CDK13: variants seen among roughly 807,000 people sequenced by gnomAD.
CDK13 encodes the protein cyclin-dependent kinase 13.
CDK13 carries 40 observed loss-of-function variants against 137.6 expected under a neutral mutation model. The ratio of observed to expected loss-of-function variants is 0.29; its 90% confidence interval spans 0.23 to 0.38. The LOEUF (loss-of-function observed/expected upper bound fraction) is 0.38, where lower values mean the gene tolerates loss of function less well. Among genes scored for constraint, CDK13 ranks in the 10% least tolerant of loss-of-function variants. The probability of loss-of-function intolerance (pLI) is 1.00; values close to 1 mark genes in which losing one functional copy is unlikely to be tolerated. For missense variants in CDK13, 1,704 were observed against 1,951.8 expected (o/e 0.87, Z 2.39); for synonymous variants, 869 against 760.1 (o/e 1.14, Z -2.36).
chr7:40,066,271 TTGTAA>T (rs1786277516), intron 9 of CDK13, among the ~76,000 whole-genome samples: 1 of 152,250 alleles, frequency 6.6e-6, no homozygotes, highest in African/African-American at 2.4e-5. Flanking sequence ...AAACCAGTAC[TTGTAA>T]TGTTCTTTAA....
At chr7:40,045,561 A>G (rs989739592) in intron 5 of CDK13, among the ~76,000 whole-genome samples, 35 of 151,434 alleles carry the variant, frequency 2.3e-4, no homozygotes, top group African/African-American at 7.5e-4. Flanking sequence ...CCTAGAAACT[A>G]TACAATATGG....
intron 1 of CDK13, among the ~76,000 whole-genome samples, chr7:39,961,906 A>G (rs1415303515): frequency 6.6e-6 from 1 of 151,946 alleles, no homozygotes; most frequent in Non-Finnish European, 1.5e-5. Context: ...TTGTCCTTGC[A>G]ATAGTTTGCT....
At chr7:39,962,737 G>T (rs535943741) in intron 1 of CDK13, among the ~76,000 whole-genome samples, 1 of 152,208 alleles carries the variant, frequency 6.6e-6, no homozygotes, top group South Asian at 2.1e-4. Context: ...TATTGCCTAG[G>T]TTTTCTTCTA....
chr7:40,094,521 T>C lies in CDK13; in HGVS notation c.4080T>C (p.Ala1360=), dbSNP rs777441703. ...ATGATGGTCTAGGAAGCAGTTCTGC[T>C]CCACCACTAGAACGACGTAGTTTCA... The part of the protein sequence containing the change: ...VSNDGLGSSS[A]PPLERRSFIG... Residue 1360 remains alanine, a synonymous_variant, in exon 14 of 14, where the codon GCT becomes GCC. Transcript: ENST00000181839. 1.2e-6 allele frequency: 2 copies of C among 1,612,840 alleles called. No homozygotes were observed. Among genetic ancestry groups the C allele is most frequent in the Non-Finnish European group, 8.5e-7 (1 of 1,179,612 alleles).
chr7:40,024,740 T>C lies in CDK13; in HGVS notation c.2354-21096T>C, dbSNP rs1036651751. Among the ~76,000 whole-genome samples, 3 of 138,134 alleles carry C rather than the reference T, an allele frequency of 2.2e-5. No individual in the cohort carries two copies. In the South Asian group the frequency reaches 7.5e-4, roughly 35 times the overall value. 90.6% of individuals were successfully genotyped at this position (138,134 alleles called of 152,430 possible). On this transcript the variant is annotated intron_variant, in intron 5 of 13. Coordinates refer to ENST00000181839, the MANE Select transcript of CDK13 (RefSeq NM_003718.5). ...GTGCAGTGGCATGATCTCTGCTCAC[T>C]GCAGCCTCCGCCTCCCGGGTTCGAG...
intron 1 of CDK13, among the ~76,000 whole-genome samples, chr7:39,966,434 T>A (rs1340733483): frequency 6.6e-6 from 1 of 152,240 alleles, no homozygotes; most frequent in African/African-American, 2.4e-5. Context: ...ATCACGTAGT[T>A]CTTGTGCCTT....
chr7:40,035,477 A>C (rs1383235370), intron 5 of CDK13, among the ~76,000 whole-genome samples: 1 of 152,134 alleles, frequency 6.6e-6, no homozygotes, highest in Admixed American at 6.5e-5. Context: ...TCCTGCTGTC[A>C]GATCAGTGAC....
intron 12 of CDK13, among the ~76,000 whole-genome samples, chr7:40,089,438 A>C (rs200346542): frequency 1.2e-4 from 1 of 8,262 alleles, no homozygotes; most frequent in African/African-American, 2.8e-4. Flanking sequence ...AGACTGTCTC[A>C]AAAAAAAAAA....
At chr7:40,075,497 T>C (rs1211377823) in intron 9 of CDK13, among the ~76,000 whole-genome samples, 2 of 152,052 alleles carry the variant, frequency 1.3e-5, no homozygotes, top group African/African-American at 4.8e-5. Flanking sequence ...TTTATTGAAA[T>C]AAAATTTTAG....
chr7:39,971,209 G>C (rs1181636030), intron 1 of CDK13, among the ~76,000 whole-genome samples: 1 of 152,118 alleles, frequency 6.6e-6, no homozygotes, highest in East Asian at 1.9e-4. Flanking sequence ...TAAATTGCCT[G>C]TCTTGTTTTA....
At chr7:39,981,355 T>C (rs13239106) in intron 1 of CDK13, among the ~76,000 whole-genome samples, 40,558 of 149,752 alleles carry the variant, frequency 0.27, 6,560 homozygotes, top group Middle Eastern at 0.45. Flanking sequence ...TGCGAAAAAG[T>C]GAGAGACCCT....
intron 7 of CDK13, among the ~76,000 whole-genome samples, chr7:40,058,165 C>G (rs1018364166): frequency 1.3e-5 from 2 of 152,066 alleles, no homozygotes; most frequent in African/African-American, 4.8e-5. Context: ...AAGAACATTC[C>G]AAGTACAAAG....
At chr7:40,017,590 C>G (rs950839331) in intron 5 of CDK13, among the ~76,000 whole-genome samples, 4 of 151,788 alleles carry the variant, frequency 2.6e-5, no homozygotes, top group Non-Finnish European at 5.9e-5. Flanking sequence ...TTGACATTTT[C>G]TACTGATTTA....
chr7:39,960,256 T>C (rs1002777771), intron 1 of CDK13, among the ~76,000 whole-genome samples: 1 of 152,046 alleles, frequency 6.6e-6, no homozygotes, highest in Non-Finnish European at 1.5e-5. Flanking sequence ...TCAAATACTT[T>C]TTTTTTTGAG....
chr7:40,012,018 G>GAAA (rs1784905191), intron 5 of CDK13, among the ~76,000 whole-genome samples: 1 of 152,092 alleles, frequency 6.6e-6, no homozygotes, highest in Non-Finnish European at 1.5e-5. Context: ...TGGCCAATAA[G>GAAA]CACATGAAAA....
intron 9 of CDK13, among the ~76,000 whole-genome samples, chr7:40,068,208 A>C (rs1786326089): frequency 6.6e-6 from 1 of 152,146 alleles, no homozygotes; most frequent in African/African-American, 2.4e-5. Flanking sequence ...GATGGGAGCT[A>C]AGATGATACA....
At chr7:39,952,714 G>A (rs1238814229) in intron 1 of CDK13, 1 of 152,104 alleles carries the variant, frequency 6.6e-6, no homozygotes, top group East Asian at 1.9e-4. Flanking sequence ...ATACCCGAAG[G>A]ATAAAAACAC....
At chr7:40,065,273 A>G (rs1440976270) in intron 9 of CDK13, among the ~76,000 whole-genome samples, 3 of 152,138 alleles carry the variant, frequency 2.0e-5, no homozygotes, top group African/African-American at 7.2e-5. Context: ...AGAAATTAAT[A>G]TAAACATGGA....
chr7:39,966,994 T>C (rs1082022), intron 1 of CDK13, among the ~76,000 whole-genome samples: 151,156 of 152,192 alleles, frequency 0.99, 75,073 homozygotes, highest in East Asian at 1. Context: ...GAGGAGTACC[T>C]GGCCGTGTGA....
Sources: gnomAD v4.1 joint callset for allele counts (sites outside exome capture counted in the v4.1 genomes callset) on GRCh38, gnomAD v4.1.1 for gene constraint, MANE v1.5 for transcripts, NCBI Gene and HGNC (gene_info 2026-07-23, HGNC 2026-07-21) for gene names.